PTPRD: variants seen among roughly 807,000 people sequenced by gnomAD.
PTPRD encodes the protein receptor-type tyrosine-protein phosphatase delta.
Under a neutral mutation model 214.5 loss-of-function variants are expected in PTPRD, and 34 were observed. That is an observed-to-expected ratio of 0.16 (90% CI 0.12 to 0.21). PTPRD has a LOEUF of 0.21. Among genes scored for constraint, PTPRD ranks in the 10% least tolerant of loss-of-function variants. PTPRD has a pLI of 1.00. For missense variants in PTPRD, 2,545 were observed against 2,398.7 expected, an observed-to-expected ratio of 1.06 and a Z score of -1.27; for synonymous variants, 1,128 against 845.7, an observed-to-expected ratio of 1.33 and a Z score of -5.79.
intron 9 of PTPRD, among the ~76,000 whole-genome samples, chr9:9,207,911 G>T (rs1569562239): frequency 6.6e-6 from 1 of 150,900 alleles, no homozygotes; most frequent in Admixed American, 6.6e-5. Flanking sequence ...ACTTCCAAGA[G>T]CAATCTTCGT....
intron 7 of PTPRD, among the ~76,000 whole-genome samples, chr9:9,721,742 T>C (rs2097952488): frequency 6.6e-6 from 1 of 152,094 alleles, no homozygotes. Context: ...CTTACCCATA[T>C]CTCACTTGTT....
intron 6 of PTPRD, among the ~76,000 whole-genome samples, chr9:9,760,463 A>C (rs182330422): frequency 6.6e-5 from 10 of 152,162 alleles, no homozygotes; most frequent in African/African-American, 2.4e-4. Context: ...ATACCTTCTT[A>C]ACTGTCACAT....
At chr9:10,149,723 C>CT (rs1041441679) in intron 3 of PTPRD, among the ~76,000 whole-genome samples, 11 of 148,880 alleles carry the variant, frequency 7.4e-5, no homozygotes, top group South Asian at 2.1e-4. Context: ...AATACCTTGT[C>CT]TTTTTTTTTC....
chr9:8,647,653 A>C (rs1015579876), intron 12 of PTPRD, among the ~76,000 whole-genome samples: 6 of 152,234 alleles, frequency 3.9e-5, no homozygotes, highest in Non-Finnish European at 8.8e-5. Context: ...TACATGTAAA[A>C]TTACTGAATT....
At chr9:8,929,202 C>A (rs573577132) in intron 11 of PTPRD, among the ~76,000 whole-genome samples, 1 of 152,108 alleles carries the variant, frequency 6.6e-6, no homozygotes, top group Non-Finnish European at 1.5e-5. Context: ...CCTGATTGCC[C>A]TGGCCAGAAC....
At chr9:10,228,728 T>C (rs893250436) in intron 3 of PTPRD, among the ~76,000 whole-genome samples, 2 of 149,574 alleles carry the variant, frequency 1.3e-5, no homozygotes, top group Non-Finnish European at 3.0e-5. Context: ...ATGTATAAAT[T>C]ACATATATGT....
chr9:9,082,117 C>T (rs758819115), intron 10 of PTPRD, among the ~76,000 whole-genome samples: 16 of 151,924 alleles, frequency 1.1e-4, no homozygotes, highest in Non-Finnish European at 5.9e-5. Context: ...TTTATGAGGC[C>T]AGCATCATCC....
chr9:9,831,739 T>A (rs1468027600), intron 5 of PTPRD, among the ~76,000 whole-genome samples: 1 of 152,024 alleles, frequency 6.6e-6, no homozygotes, highest in African/African-American at 2.4e-5. Context: ...ATTTATATCA[T>A]CAATAAGGAA....
At chr9:10,000,361 T>G (rs1264315719) in intron 4 of PTPRD, among the ~76,000 whole-genome samples, 1 of 152,080 alleles carries the variant, frequency 6.6e-6, no homozygotes, top group Admixed American at 6.5e-5. Context: ...CTTGTAAAAT[T>G]TATCTCTTTT....
At chr9:8,460,310 T>C in intron 33 of PTPRD, 101 bp downstream of exon 33, 2 of 1,362,488 alleles carry the variant, frequency 1.5e-6, no homozygotes, top group Non-Finnish European at 2.1e-6. Context: ...CACTGAAGTA[T>C]TTCTACTAAA....
intron 11 of PTPRD, among the ~76,000 whole-genome samples, chr9:8,782,337 CTTT>C (rs907752629): frequency 2.0e-5 from 3 of 151,932 alleles, no homozygotes; most frequent in Non-Finnish European, 2.9e-5. Context: ...TAGTCAACAA[CTTT>C]TTTATGGTGA....
At chr9:8,434,139 C>A (rs1276403309) in intron 35 of PTPRD, among the ~76,000 whole-genome samples, 1 of 152,126 alleles carries the variant, frequency 6.6e-6, no homozygotes, top group East Asian at 1.9e-4. Flanking sequence ...CACGCCACCA[C>A]GCCTGGCTAA....
chr9:10,241,514 C>T (rs1432473640), intron 3 of PTPRD, among the ~76,000 whole-genome samples: 1 of 151,850 alleles, frequency 6.6e-6, no homozygotes, highest in African/African-American at 2.4e-5. Flanking sequence ...TACTACTTCA[C>T]AACAAAAAGT....
intron 11 of PTPRD, among the ~76,000 whole-genome samples, chr9:8,941,626 C>A: frequency 6.6e-6 from 1 of 152,016 alleles, no homozygotes; most frequent in Middle Eastern, 3.4e-3. Context: ...AGTACTACAT[C>A]CATGAAAAAT....
At chr9:10,392,203 G>A (rs1587005719) in intron 2 of PTPRD, among the ~76,000 whole-genome samples, 1 of 152,010 alleles carries the variant, frequency 6.6e-6, no homozygotes, top group Non-Finnish European at 1.5e-5. Flanking sequence ...CTATCGTATA[G>A]CAAAGATATA....
chr9:8,466,834 T>G (rs563184310), intron 31 of PTPRD, among the ~76,000 whole-genome samples: 72 of 152,004 alleles, frequency 4.7e-4, no homozygotes, highest in Middle Eastern at 6.8e-3. Context: ...CTAGCCCTGT[T>G]TTTGTAAATA....
intron 15 of PTPRD, 41 bp downstream of exon 15, chr9:8,528,550 A>C (rs1189913685): frequency 6.5e-7 from 1 of 1,540,230 alleles, no homozygotes; most frequent in East Asian, 2.3e-5. Context: ...TTAAAAAAAA[A>C]AATTCTCTAG....
intron 2 of PTPRD, among the ~76,000 whole-genome samples, chr9:10,378,928 T>C (rs2097774257): frequency 1.3e-5 from 2 of 152,082 alleles, no homozygotes; most frequent in South Asian, 2.1e-4. Flanking sequence ...TTTAATAATA[T>C]TGATTCTTCC....
At chr9:9,515,894 G>A (rs1007147122) in intron 8 of PTPRD, among the ~76,000 whole-genome samples, 2 of 151,980 alleles carry the variant, frequency 1.3e-5, no homozygotes, top group South Asian at 2.1e-4. Context: ...TGTATTATAA[G>A]GAAATTGAAT....
Sources: gnomAD v4.1 joint callset for allele counts (sites outside exome capture counted in the v4.1 genomes callset) on GRCh38, gnomAD v4.1.1 for gene constraint, MANE v1.5 for transcripts, NCBI Gene and HGNC (gene_info 2026-07-23, HGNC 2026-07-21) for gene names.